KCNMA1: variants seen among roughly 807,000 people sequenced by gnomAD.
The protein encoded by KCNMA1 is potassium calcium-activated channel subfamily M alpha 1.
Under a neutral mutation model 140.0 loss-of-function variants are expected in KCNMA1, and 29 were observed. That is an observed-to-expected ratio of 0.21 (90% CI 0.15 to 0.28). The LOEUF (loss-of-function observed/expected upper bound fraction) is 0.28, where lower values mean the gene tolerates loss of function less well. Among genes scored for constraint, KCNMA1 ranks in the 10% least tolerant of loss-of-function variants. The pLI, the probability that KCNMA1 is intolerant of heterozygous loss-of-function variation, is 1.00. For missense variants in KCNMA1, 880 were observed against 1,602.2 expected (o/e 0.55, Z 7.70); for synonymous variants, 612 against 611.9 (o/e 1.00, Z 0.00).
intron 1 of KCNMA1, among the ~76,000 whole-genome samples, chr10:77,625,165 G>A (rs553968814): frequency 5.9e-5 from 9 of 152,220 alleles, no homozygotes; most frequent in South Asian, 2.1e-4. Context: ...AGGCTGAGGC[G>A]GGCGGATCAC....
At chr10:77,267,982 G>A (rs2063882699) in intron 2 of KCNMA1, among the ~76,000 whole-genome samples, 1 of 152,212 alleles carries the variant, frequency 6.6e-6, no homozygotes, top group Non-Finnish European at 1.5e-5. Context: ...ACCCTGCCAA[G>A]TGAATATGCC....
chr10:77,598,137 A>G (rs945430816), intron 1 of KCNMA1, among the ~76,000 whole-genome samples: 2 of 151,946 alleles, frequency 1.3e-5, no homozygotes, highest in African/African-American at 4.8e-5. Flanking sequence ...CACCTGGCTA[A>G]TTTTTGTATT....
chr10:76,894,340 A>G (rs1589749911), intron 25 of KCNMA1, among the ~76,000 whole-genome samples: 1 of 152,356 alleles, frequency 6.6e-6, no homozygotes, highest in East Asian at 1.9e-4. Context: ...AAAAGGGGTC[A>G]AAGATCTAAA....
chr10:77,622,084 G>A (rs2091547817), intron 1 of KCNMA1, among the ~76,000 whole-genome samples: 1 of 152,150 alleles, frequency 6.6e-6, no homozygotes, highest in South Asian at 2.1e-4. Flanking sequence ...TAACCTGCAT[G>A]ACTGTATATA....
At chr10:77,548,030 G>A (rs1242828324) in intron 1 of KCNMA1, among the ~76,000 whole-genome samples, 2 of 151,746 alleles carry the variant, frequency 1.3e-5, no homozygotes, top group East Asian at 3.9e-4. Context: ...GCCAACCCTT[G>A]ATTTAGAAAA....
At chr10:77,443,254 G>A (rs2097449070) in intron 1 of KCNMA1, among the ~76,000 whole-genome samples, 1 of 152,136 alleles carries the variant, frequency 6.6e-6, no homozygotes, top group South Asian at 2.1e-4. Context: ...AGGCTTCCAG[G>A]ACACTCCTGC....
chr10:77,441,423 C>T (rs887281154), intron 1 of KCNMA1, among the ~76,000 whole-genome samples: 3 of 152,044 alleles, frequency 2.0e-5, no homozygotes, highest in Non-Finnish European at 4.4e-5. Context: ...GGTCATGATA[C>T]TCCTCAGAGA....
chr10:77,175,004 C>T (rs1052021616), intron 5 of KCNMA1, among the ~76,000 whole-genome samples: 8 of 152,124 alleles, frequency 5.3e-5, no homozygotes, highest in African/African-American at 1.4e-4. Context: ...AATAAAAATT[C>T]GAGAACCATC....
intron 13 of KCNMA1, among the ~76,000 whole-genome samples, chr10:77,078,952 C>A (rs908526862): frequency 5.3e-5 from 8 of 152,182 alleles, no homozygotes; most frequent in Non-Finnish European, 1.2e-4. Context: ...CTTCCAGTGA[C>A]CAAATGCAAA....
intron 1 of KCNMA1, among the ~76,000 whole-genome samples, chr10:77,464,072 A>G (rs1307273746): frequency 6.6e-6 from 1 of 152,202 alleles, no homozygotes; most frequent in Non-Finnish European, 1.5e-5. Flanking sequence ...TCCTGTGCAC[A>G]CTAAAGTTTG....
At chr10:77,451,809 G>A (rs955116154) in intron 1 of KCNMA1, among the ~76,000 whole-genome samples, 1 of 152,094 alleles carries the variant, frequency 6.6e-6, no homozygotes, top group African/African-American at 2.4e-5. Context: ...TTTCTCCCCA[G>A]GGCATATATC....
intron 2 of KCNMA1, among the ~76,000 whole-genome samples, chr10:77,306,071 C>A (rs972417883): frequency 1.3e-5 from 2 of 152,186 alleles, no homozygotes; most frequent in African/African-American, 2.4e-5. Flanking sequence ...ATGGGACACA[C>A]AGAAGAAACC....
At chr10:77,487,259 T>C (rs1012690855) in intron 1 of KCNMA1, among the ~76,000 whole-genome samples, 5 of 151,898 alleles carry the variant, frequency 3.3e-5, no homozygotes, top group Non-Finnish European at 5.9e-5. Context: ...GGTAATACAT[T>C]TTTTTTTGGT....
chr10:77,153,716 T>C (rs572719133), intron 5 of KCNMA1, among the ~76,000 whole-genome samples: 33 of 152,266 alleles, frequency 2.2e-4, no homozygotes, highest in African/African-American at 7.0e-4. Context: ...TTATTCTGCA[T>C]TTCTCAGATT....
chr10:77,253,726 G>A (rs1029984370), intron 2 of KCNMA1, among the ~76,000 whole-genome samples: 3 of 152,218 alleles, frequency 2.0e-5, no homozygotes, highest in Admixed American at 6.5e-5. Context: ...CACGTATTCA[G>A]CTGGAAGGCC....
chr10:77,431,647 T>C (rs2097153147), intron 1 of KCNMA1, among the ~76,000 whole-genome samples: 1 of 130,056 alleles, frequency 7.7e-6, no homozygotes, highest in African/African-American at 3.0e-5. Flanking sequence ...AACTGCTAGA[T>C]ATTTGCAGCA....
chr10:77,138,848 T>A (rs2098108966), intron 5 of KCNMA1, among the ~76,000 whole-genome samples: 1 of 152,166 alleles, frequency 6.6e-6, no homozygotes, highest in Non-Finnish European at 1.5e-5. Context: ...GGGAATGTTC[T>A]TCCCCCAGAT....
At chr10:76,907,687 C>T (rs1162731536) in intron 25 of KCNMA1, among the ~76,000 whole-genome samples, 1 of 152,080 alleles carries the variant, frequency 6.6e-6, no homozygotes, top group Non-Finnish European at 1.5e-5. Context: ...TACAGGTGCA[C>T]ACCACCACAC....
At chr10:77,503,641 G>A (rs1434089296) in intron 1 of KCNMA1, among the ~76,000 whole-genome samples, 1 of 152,164 alleles carries the variant, frequency 6.6e-6, no homozygotes, top group Non-Finnish European at 1.5e-5. Context: ...TGCAGTCATG[G>A]GCCCAGCACA....
Sources: gnomAD v4.1 joint callset for allele counts (sites outside exome capture counted in the v4.1 genomes callset) on GRCh38, gnomAD v4.1.1 for gene constraint, MANE v1.5 for transcripts, NCBI Gene and HGNC (gene_info 2026-07-23, HGNC 2026-07-21) for gene names.